SULT2B1: variants seen among roughly 807,000 people sequenced by gnomAD.
SULT2B1 encodes sulfotransferase family 2B member 1, also known as sulfotransferase 2B1.
In SULT2B1, 16 loss-of-function variants were observed where a neutral mutation model predicts 33.2. That is an observed-to-expected ratio of 0.48 (90% CI 0.33 to 0.73). The LOEUF is 0.73. Ranked by LOEUF, SULT2B1 falls within the 30% of genes least tolerant of loss-of-function variation. The pLI is 0.02. For synonymous variants in SULT2B1, 186 were observed against 200.5 expected (o/e 0.93, Z 0.61); for missense variants, 500 against 506.0 (o/e 0.99, Z 0.11).
chr19:48,597,029 G>T, intron 6 of SULT2B1, 110 bp downstream of exon 6: 1 of 1,203,842 alleles, frequency 8.3e-7, no homozygotes, highest in Non-Finnish European at 1.1e-6. Flanking sequence ...TGTAACATTG[G>T]GTGAACAGGG....
intron 1 of SULT2B1, among the ~76,000 whole-genome samples, chr19:48,571,253 G>A (rs1418767083): frequency 1.3e-5 from 2 of 151,300 alleles, no homozygotes; most frequent in African/African-American, 4.9e-5. Context: ...CTGGAGTGCA[G>A]TGATGTGATC....
intron 6 of SULT2B1, 101 bp downstream of exon 6, chr19:48,597,020 G>A (rs1026648315): frequency 3.2e-6 from 4 of 1,249,232 alleles, no homozygotes; most frequent in Middle Eastern, 2.8e-4. Context: ...TCACCCAGCT[G>A]TAACATTGGG....
chr19:48,567,077 T>G (rs906924490), intron 1 of SULT2B1, among the ~76,000 whole-genome samples: 12 of 152,104 alleles, frequency 7.9e-5, no homozygotes, highest in African/African-American at 2.9e-4. Context: ...TGTAAACTCC[T>G]TTTGAGTGGC....
intron 2 of SULT2B1, among the ~76,000 whole-genome samples, chr19:48,576,676 G>T (rs1354147512): frequency 4.9e-4 from 63 of 128,334 alleles, no homozygotes; most frequent in African/African-American, 1.8e-3. Flanking sequence ...GTCTTGCTCT[G>T]CTGCCCAGGC....
chr19:48,597,417 C>T (rs1973734208), intron 6 of SULT2B1, among the ~76,000 whole-genome samples: 1 of 149,932 alleles, frequency 6.7e-6, no homozygotes, highest in African/African-American at 2.5e-5. Context: ...GATCTCGGCT[C>T]ACTGCGACCT....
intron 1 of SULT2B1, among the ~76,000 whole-genome samples, chr19:48,558,679 C>CTTTTTTTTTTTTTTTTTTT (rs869189397): frequency 1.9e-5 from 2 of 106,178 alleles, no homozygotes; most frequent in African/African-American, 8.3e-5. Context: ...CTTTTCTTTT[C>CTTTTTTTTTTTTTTTTTTT]TTTTTTTTTT....
At chr19:48,571,625 C>T (rs894655094) in intron 1 of SULT2B1, among the ~76,000 whole-genome samples, 1 of 145,950 alleles carries the variant, frequency 6.9e-6, no homozygotes, top group African/African-American at 2.6e-5. Flanking sequence ...GCAAACAAGA[C>T]AGAACAATAA....
intron 1 of SULT2B1, among the ~76,000 whole-genome samples, chr19:48,557,889 A>T (rs1305164723): frequency 6.6e-6 from 1 of 152,196 alleles, no homozygotes; most frequent in East Asian, 1.9e-4. Flanking sequence ...ATTACACTCC[A>T]GCCTGGGCAA....
chr19:48,576,093 G>A lies in SULT2B1; in HGVS notation c.214+10G>A, dbSNP rs371528066. On this transcript the variant is annotated intron_variant, in intron 2 of 6. Coordinates refer to ENST00000201586, the MANE Select transcript of SULT2B1 (RefSeq NM_177973.2). ...ACCTACCCCAAGTCAGGTACCTGCCGGGCTGCGGGCGTCGGGGGCTGGGGA... is the reference window on the plus strand; with the variant it reads ...ACCTACCCCAAGTCAGGTACCTGCCAGGCTGCGGGCGTCGGGGGCTGGGGA... 5.3e-5 allele frequency: 85 copies of A among 1,602,138 alleles called. 1 individual carries two copies. In the East Asian group the frequency reaches 1.2e-3, roughly 22 times the overall value.
chr19:48,571,343 C>T (rs1488535435), intron 1 of SULT2B1, among the ~76,000 whole-genome samples: 1 of 151,580 alleles, frequency 6.6e-6, no homozygotes, highest in African/African-American at 2.4e-5. Flanking sequence ...ATTACAGGCG[C>T]CCACCACCGT....
At chr19:48,571,319 C>A (rs1973324505) in intron 1 of SULT2B1, among the ~76,000 whole-genome samples, 1 of 151,880 alleles carries the variant, frequency 6.6e-6, no homozygotes, top group Non-Finnish European at 1.5e-5. Flanking sequence ...GCCTCAGCCT[C>A]CCGAGTAGCT....
Position 48,592,826 on chromosome 19 carries a change from C to T in SULT2B1, c.645+10C>T, listed in dbSNP as rs1436288225. On this transcript the variant is annotated intron_variant, in intron 5 of 6. Transcript: ENST00000201586. ...CGAGGAGCTGCAGCAGGTGAGTCCC[C>T]ACCTCCTCCAGGTGCAGCGTCCCCC... 2 of 1,556,010 alleles carry T rather than the reference C, an allele frequency of 1.3e-6. No individual in the cohort carries two copies. Among genetic ancestry groups the T allele is most frequent in the Admixed American group, 1.9e-5 (1 of 51,548 alleles).
intron 1 of SULT2B1, among the ~76,000 whole-genome samples, chr19:48,571,504 G>A (rs1973328201): frequency 6.6e-6 from 1 of 151,806 alleles, no homozygotes; most frequent in Non-Finnish European, 1.5e-5. Context: ...GCCTGCCCAG[G>A]CTGGTCTTGA....
chr19:48,596,702 T>C (rs1367481461), intron 5 of SULT2B1, 37 bp from the exon 6 acceptor site: 1 of 1,544,910 alleles, frequency 6.5e-7, no homozygotes, highest in Admixed American at 1.9e-5. Context: ...CTTGGCCGAG[T>C]GCCCTCCCTC....
intron 2 of SULT2B1, 29 bp downstream of exon 2, chr19:48,576,112 C>A: frequency 1.4e-6 from 2 of 1,472,918 alleles, no homozygotes; most frequent in Non-Finnish European, 1.9e-6. Flanking sequence ...GCGTCGGGGG[C>A]TGGGGAGAGT....
chr19:48,596,780 C>T lies in SULT2B1; in HGVS notation c.687C>T (p.Gly229=). Residue 229 remains glycine (G), a synonymous_variant, in exon 6 of 7, where the codon GGC becomes GGT. Coordinates refer to ENST00000201586, the MANE Select transcript of SULT2B1 (RefSeq NM_177973.2). ...GSVERICGFL[G]RPLGKEALGS... ...TGGAGCGCATCTGTGGGTTCCTGGG[C>T]CGTCCGCTGGGCAAGGAGGCACTGG... 1 of 1,608,658 alleles carries T rather than the reference C, an allele frequency of 6.2e-7. No individual in the cohort carries two copies. Among genetic ancestry groups the T allele is most frequent in the Non-Finnish European group, 8.5e-7 (1 of 1,179,920 alleles).
In SULT2B1 at chr19:48,596,893, A is replaced by C; in HGVS notation, c.800A>C (p.His267Pro). ...CTGCTGCCTCCCAGCCTGCTGGACCACCGTCGCGGGGCCTTCCTCCGGAAA... is the reference window on the plus strand; with the variant it reads ...CTGCTGCCTCCCAGCCTGCTGGACCCCCGTCGCGGGGCCTTCCTCCGGAAA... Reference protein sequence around the residue: ...YTLLPPSLLDHRRGAFLRKGV... With the variant: ...YTLLPPSLLDPRRGAFLRKGV... Residue 267 changes from histidine to proline, a missense_variant, in exon 6 of 7, where the codon CAC becomes CCC. Transcript: ENST00000201586. The C allele has an allele frequency of 6.2e-7, 1 of 1,602,284 alleles. No homozygotes were observed. The highest frequency in any genetic ancestry group is 8.5e-7 in the Non-Finnish European group (1 of 1,178,202).
At position 48,576,359 on chromosome 19, in the gene SULT2B1, C is replaced by CTTTTCTTTCTTTTTTT; in HGVS notation, c.214+280_214+281insCTTTCTTTTTTTTTTT. Among the ~76,000 whole-genome samples, 593 of 96,590 alleles carry CTTTTCTTTCTTTTTTT rather than the reference C, an allele frequency of 6.1e-3. 8 individuals are homozygous for CTTTTCTTTCTTTTTTT. The highest frequency in any genetic ancestry group is 7.3e-3 in the African/African-American group (170 of 23,264). 63.4% of individuals were successfully genotyped at this position (96,590 alleles called of 152,430 possible). A position where few individuals can be genotyped will look rare whatever the true frequency, so the allele number is the denominator to read the frequency against. ...CCTTTCCCCTTTACCCTCTACTTCT[C>CTTTTCTTTCTTTTTTT]TTTTTTTTTTTTTTTTTTGTAGAGA... On this transcript the variant is annotated intron_variant, in intron 2 of 6. Coordinates refer to ENST00000201586, the MANE Select transcript of SULT2B1 (RefSeq NM_177973.2).
intron 1 of SULT2B1, among the ~76,000 whole-genome samples, chr19:48,563,018 GA>G (rs918403288): frequency 1.8e-4 from 27 of 147,708 alleles, no homozygotes; most frequent in African/African-American, 4.5e-4. Context: ...GAATTGGCAA[GA>G]AAAAAAAAAG....
Sources: gnomAD v4.1 joint callset for allele counts (sites outside exome capture counted in the v4.1 genomes callset) on GRCh38, gnomAD v4.1.1 for gene constraint, MANE v1.5 for transcripts, NCBI Gene and HGNC (gene_info 2026-07-23, HGNC 2026-07-21) for gene names.